The following FOXN3 variants were observed in gnomAD, a reference collection of about 807,000 sequenced individuals.
FOXN3 encodes the protein forkhead box N3.
FOXN3 carries 7 observed loss-of-function variants against 38.4 expected under a neutral mutation model. The observed-to-expected ratio is 0.18, with a 90% CI of 0.10 to 0.34. The LOEUF (loss-of-function observed/expected upper bound fraction) is 0.34. Among genes scored for constraint, FOXN3 ranks in the 10% least tolerant of loss-of-function variants. The pLI, the probability that FOXN3 is intolerant of heterozygous loss-of-function variation, is 1.00. For synonymous variants in FOXN3, 230 were observed against 242.2 expected, an observed-to-expected ratio of 0.95 and a Z score of 0.47; for missense variants, 456 against 613.4, an observed-to-expected ratio of 0.74 and a Z score of 2.71.
chr14:89,479,453 A>G (rs1430602141), intron 1 of FOXN3, among the ~76,000 whole-genome samples: 1 of 152,156 alleles, frequency 6.6e-6, no homozygotes, highest in Non-Finnish European at 1.5e-5. Flanking sequence ...TGATGAGCCA[A>G]AACTCTCAAC....
rs141247879 is a variant in FOXN3, at chr14:89,461,142, G to A, written c.-14-48652C>T. Among the ~76,000 whole-genome samples the A allele has an allele frequency of 4.6e-3, 693 of 151,830 alleles. 3 individuals carry two copies. The highest frequency in any genetic ancestry group is 7.8e-3 in the Non-Finnish European group (531 of 67,954). ...AGGTCAAGAAATCAAGACCATCATG[G>A]CCAACCAACATGGTGAAACCCCATC... On this transcript the variant is annotated intron_variant, in intron 1 of 6. Transcript: ENST00000345097.
intron 2 of FOXN3, chr14:89,351,212 T>A (rs1888957266): frequency 6.5e-6 from 1 of 153,822 alleles, no homozygotes; most frequent in Non-Finnish European, 1.4e-5. Context: ...CAAAAGTCCA[T>A]CTCTGCTCCA....
chr14:89,325,103 G>A (rs146696332), intron 3 of FOXN3, among the ~76,000 whole-genome samples: 2,012 of 152,272 alleles, frequency 0.013, 19 homozygotes, highest in Non-Finnish European at 0.02. Context: ...CATGTGGCTA[G>A]TGACTACACA....
intron 4 of FOXN3, among the ~76,000 whole-genome samples, chr14:89,206,342 C>T (rs61705901): frequency 0.015 from 2,302 of 152,298 alleles, 60 homozygotes; most frequent in African/African-American, 0.053. Context: ...CTTGTGGATG[C>T]TGCGTATTCA....
chr14:89,274,707 A>G (rs1485012678), intron 4 of FOXN3, among the ~76,000 whole-genome samples: 1 of 152,222 alleles, frequency 6.6e-6, no homozygotes, highest in Non-Finnish European at 1.5e-5. Context: ...ACACTTTGAG[A>G]GTATCGAGTA....
intron 2 of FOXN3, among the ~76,000 whole-genome samples, chr14:89,379,940 C>T (rs1890590749): frequency 2.0e-5 from 3 of 152,204 alleles, no homozygotes; most frequent in African/African-American, 4.8e-5. Context: ...GGGTGACAGG[C>T]GTGAGCCACT....
In FOXN3 at chr14:89,181,040, G is replaced by A. The variant is rs1353818332; in HGVS notation, c.746-234C>T. Among the ~76,000 whole-genome samples the A allele has an allele frequency of 4.7e-5, 7 of 149,984 alleles. No individual in the cohort carries two copies. The East Asian group carries it at 5.9e-4, about 13-fold the overall frequency. On this transcript the variant is annotated intron_variant, in intron 4 of 5. Coordinates refer to ENST00000557258, the MANE Select transcript of FOXN3 (RefSeq NM_005197.4). ...CGCACACACACACACATGCAGACAC[G>A]TACGTACACCTGCACATACAGACAT...
At chr14:89,436,008 T>C (rs918768257) in intron 1 of FOXN3, among the ~76,000 whole-genome samples, 3 of 80,846 alleles carry the variant, frequency 3.7e-5, no homozygotes, top group African/African-American at 1.2e-4. Context: ...CATTTTTCTT[T>C]ATTATTTTTT....
chr14:89,403,817 T>A (rs909806011), intron 2 of FOXN3, among the ~76,000 whole-genome samples: 2 of 152,154 alleles, frequency 1.3e-5, no homozygotes. Context: ...CAGACCCCTA[T>A]CCAGGTTAGT....
chr14:89,570,104 G>A (rs1480576014), intron 1 of FOXN3, among the ~76,000 whole-genome samples: 2 of 151,692 alleles, frequency 1.3e-5, no homozygotes, highest in Non-Finnish European at 2.9e-5. Flanking sequence ...AGGTTCAAGC[G>A]ATTCTCCTGC....
At chr14:89,527,053 G>A (rs544125519) in intron 1 of FOXN3, among the ~76,000 whole-genome samples, 2 of 151,280 alleles carry the variant, frequency 1.3e-5, no homozygotes, top group East Asian at 3.9e-4. Context: ...AGGGAGGGGA[G>A]GAGAGGAGGA....
chr14:89,601,407 T>C (rs1896150185), intron 1 of FOXN3, among the ~76,000 whole-genome samples: 2 of 152,202 alleles, frequency 1.3e-5, no homozygotes, highest in Non-Finnish European at 2.9e-5. Flanking sequence ...TGTTTTCCCA[T>C]CCATAGTACA....
chr14:89,401,815 AAAG>A, intron 2 of FOXN3: 1 of 369,126 alleles, frequency 2.7e-6, no homozygotes, highest in South Asian at 2.0e-5. Flanking sequence ...CAATAAATAG[AAAG>A]AAGACACTGA....
At chr14:89,315,457 C>T (rs1442447637) in intron 3 of FOXN3, among the ~76,000 whole-genome samples, 1 of 152,140 alleles carries the variant, frequency 6.6e-6, no homozygotes, top group East Asian at 1.9e-4. Flanking sequence ...AAGGCAAGGG[C>T]AGCAAACCCA....
intron 1 of FOXN3, among the ~76,000 whole-genome samples, chr14:89,430,427 C>G (rs1365028576): frequency 6.6e-6 from 1 of 152,168 alleles, no homozygotes; most frequent in Non-Finnish European, 1.5e-5. Context: ...ATAAACACAG[C>G]AGCAGGTTGC....
chr14:89,527,609 G>C (rs1007350186), intron 1 of FOXN3, among the ~76,000 whole-genome samples: 3 of 151,510 alleles, frequency 2.0e-5, no homozygotes, highest in Non-Finnish European at 4.4e-5. Flanking sequence ...TGGCAAATAA[G>C]AACATGAAAA....
intron 1 of FOXN3, among the ~76,000 whole-genome samples, chr14:89,423,010 G>A (rs1891946836): frequency 2.6e-5 from 4 of 152,314 alleles, no homozygotes; most frequent in Admixed American, 6.5e-5. Context: ...CTAGAATCCA[G>A]ATTTACTCAA....
intron 4 of FOXN3, among the ~76,000 whole-genome samples, chr14:89,264,713 T>C (rs1265583442): frequency 2.0e-5 from 3 of 152,316 alleles, no homozygotes; most frequent in African/African-American, 7.2e-5. Context: ...AACCTGGCTA[T>C]GAGGACGCTA....
At chr14:89,393,139 C>T (rs1453333880) in intron 2 of FOXN3, among the ~76,000 whole-genome samples, 2 of 151,984 alleles carry the variant, frequency 1.3e-5, no homozygotes, top group Non-Finnish European at 2.9e-5. Flanking sequence ...TGGGGTTTCA[C>T]CATGTTGGCC....
Sources: gnomAD v4.1 joint callset for allele counts (sites outside exome capture counted in the v4.1 genomes callset) on GRCh38, gnomAD v4.1.1 for gene constraint, MANE v1.5 for transcripts, NCBI Gene and HGNC (gene_info 2026-07-23, HGNC 2026-07-21) for gene names.